The following TLK1 variants were observed in gnomAD, a reference collection of about 807,000 sequenced individuals.
The protein encoded by TLK1 is serine/threonine-protein kinase tousled-like 1.
In TLK1, 24 loss-of-function variants were observed where a neutral mutation model predicts 105.3. The observed-to-expected ratio is 0.23, with a 90% CI of 0.17 to 0.32. TLK1 has a LOEUF of 0.32. Among genes scored for constraint, TLK1 ranks in the 10% least tolerant of loss-of-function variants. The pLI is 1.00. For missense variants in TLK1, 558 were observed against 910.5 expected (o/e 0.61, Z 4.98); for synonymous variants, 321 against 310.4 (o/e 1.03, Z -0.36).
In TLK1 at chr2:171,004,530, C is replaced by T. The variant is rs986390362; in HGVS notation, c.1904+1617G>A. Among the ~76,000 whole-genome samples, 8 of 152,250 alleles carry T rather than the reference C, an allele frequency of 5.3e-5. No homozygotes were observed. The East Asian group carries it at 1.5e-3, about 29-fold the overall frequency. On this transcript the variant is annotated intron_variant, in intron 18 of 20. Coordinates refer to ENST00000431350, the MANE Select transcript of TLK1 (RefSeq NM_012290.5). Reference sequence around the variant, plus strand: ...TAGAACAATGCCATTATTGTATCTCCTTCCAGTACAGCCCCTGAAACATAA... The same window carrying T: ...TAGAACAATGCCATTATTGTATCTCTTTCCAGTACAGCCCCTGAAACATAA...
chr2:171,118,180 T>C (rs910008792), intron 1 of TLK1, among the ~76,000 whole-genome samples: 1 of 152,154 alleles, frequency 6.6e-6, no homozygotes, highest in African/African-American at 2.4e-5. Flanking sequence ...AAGAGTCCTG[T>C]ACAACATCTA....
At chr2:171,075,017 A>G (rs1688437377) in intron 3 of TLK1, among the ~76,000 whole-genome samples, 1 of 152,124 alleles carries the variant, frequency 6.6e-6, no homozygotes, top group Admixed American at 6.5e-5. Flanking sequence ...TACTCAGAGT[A>G]AGGCATTAAA....
intron 1 of TLK1, among the ~76,000 whole-genome samples, chr2:171,188,854 G>A (rs1157237420): frequency 6.7e-6 from 1 of 148,294 alleles, no homozygotes; most frequent in African/African-American, 2.5e-5. Context: ...CAGCCTAGGC[G>A]ACAAAGCAAG....
At chr2:171,066,968 TG>T (rs972429937) in intron 3 of TLK1, 4 of 1,537,966 alleles carry the variant, frequency 2.6e-6, no homozygotes, top group Admixed American at 4.1e-5. Context: ...TGAAAGTGCT[TG>T]TAATAGTCAA....
chr2:171,047,548 G>A (rs1056530677), intron 10 of TLK1, among the ~76,000 whole-genome samples: 3 of 152,170 alleles, frequency 2.0e-5, no homozygotes, highest in African/African-American at 7.2e-5. Flanking sequence ...CTAGGTAGAA[G>A]ATTGAAAGGG....
At chr2:171,091,714 CTTTGTTGTTGTTGTTGTT>C (rs913112182) in intron 2 of TLK1, 2 of 120,526 alleles carry the variant, frequency 1.7e-5, no homozygotes, top group African/African-American at 6.4e-5. Flanking sequence ...GGGGGGGTGT[CTTTGTTGTTGTTGTTGTT>C]GTTGTTGTTG....
At chr2:171,207,106 T>C (rs1693521259) in intron 1 of TLK1, among the ~76,000 whole-genome samples, 1 of 152,238 alleles carries the variant, frequency 6.6e-6, no homozygotes, top group Non-Finnish European at 1.5e-5. Context: ...TGGATGTTTA[T>C]AGAAACTTTA....
chr2:171,148,680 C>T (rs936093285), intron 1 of TLK1, among the ~76,000 whole-genome samples: 2 of 151,686 alleles, frequency 1.3e-5, no homozygotes, highest in African/African-American at 2.4e-5. Context: ...GTCAGGCGTT[C>T]GAGACCAGCC....
intron 1 of TLK1, among the ~76,000 whole-genome samples, chr2:171,148,399 T>C (rs1247698232): frequency 6.6e-6 from 1 of 151,866 alleles, no homozygotes; most frequent in Non-Finnish European, 1.5e-5. Flanking sequence ...TTTCAATCAC[T>C]TCTCATCTGC....
intron 18 of TLK1, among the ~76,000 whole-genome samples, chr2:170,998,447 G>A (rs568549873): frequency 1.3e-5 from 2 of 151,980 alleles, no homozygotes; most frequent in South Asian, 2.1e-4. Context: ...ATCTCCACTC[G>A]GCTCTCCTTT....
At chr2:171,046,423 T>TG (rs376277563) in intron 10 of TLK1, 61 bp from the exon 11 acceptor site, 28 of 1,467,858 alleles carry the variant, frequency 1.9e-5, no homozygotes, top group East Asian at 1.4e-4. Context: ...AGGCTAAACT[T>TG]GGAAAAAATG....
intron 12 of TLK1, among the ~76,000 whole-genome samples, chr2:171,026,731 A>C (rs956979028): frequency 3.9e-5 from 6 of 152,142 alleles, no homozygotes; most frequent in African/African-American, 1.4e-4. Flanking sequence ...AAACAGTTTA[A>C]GTGGGCACAC....
chr2:171,072,821 C>T (rs1183471553), intron 3 of TLK1, among the ~76,000 whole-genome samples: 1 of 148,918 alleles, frequency 6.7e-6, no homozygotes. Context: ...CCCAGCTACT[C>T]AGAAGGCTGA....
chr2:170,996,608 G>C (rs1684077416), intron 20 of TLK1, 45 bp downstream of exon 20: 2 of 1,511,566 alleles, frequency 1.3e-6, no homozygotes, highest in Non-Finnish European at 1.8e-6. Context: ...CACAACTGAT[G>C]AAAGAAAAGT....
chr2:171,107,128 T>C (rs535093478), intron 2 of TLK1, among the ~76,000 whole-genome samples: 4 of 152,344 alleles, frequency 2.6e-5, no homozygotes, highest in Admixed American at 6.5e-5. Context: ...CCCAGGAGTA[T>C]TGTCTCATGA....
intron 1 of TLK1, among the ~76,000 whole-genome samples, chr2:171,190,202 T>A (rs1693118908): frequency 1.3e-5 from 2 of 152,142 alleles, no homozygotes; most frequent in Admixed American, 1.3e-4. Context: ...TAAGGGGAAA[T>A]TCAGTGGGAT....
At chr2:171,204,884 G>A (rs1159165229) in intron 1 of TLK1, among the ~76,000 whole-genome samples, 1 of 152,006 alleles carries the variant, frequency 6.6e-6, no homozygotes, top group Admixed American at 6.6e-5. Context: ...CTTGAACCCG[G>A]GATTCGGAGG....
Position 171,152,037 on chromosome 2 carries a change from A to G in TLK1, c.139+8253T>C, listed in dbSNP as rs140388921. ...CTCTGACCTTCACCAGAGGAACTAC[A>G]TTCATCCTCAGATAGGAAGCACTTA... is the stretch of plus-strand genomic sequence containing the variant. On this transcript the variant is annotated intron_variant, in intron 1 of 20. Coordinates refer to ENST00000431350, the MANE Select transcript of TLK1 (RefSeq NM_012290.5). Among the ~76,000 whole-genome samples the G allele has an allele frequency of 8.5e-5, 13 of 152,310 alleles. No individual in the cohort carries two copies. In the East Asian group the frequency reaches 2.3e-3, roughly 27 times the overall value.
intron 2 of TLK1, among the ~76,000 whole-genome samples, chr2:171,098,484 C>G (rs1016030183): frequency 6.6e-6 from 1 of 151,992 alleles, no homozygotes; most frequent in Non-Finnish European, 1.5e-5. Flanking sequence ...AACAAGAAAA[C>G]GAATAAATAT....
Sources: gnomAD v4.1 joint callset for allele counts (sites outside exome capture counted in the v4.1 genomes callset) on GRCh38, gnomAD v4.1.1 for gene constraint, MANE v1.5 for transcripts, NCBI Gene and HGNC (gene_info 2026-07-23, HGNC 2026-07-21) for gene names.